The following LINGO2 variants were observed in gnomAD, a reference collection of about 807,000 sequenced individuals.
LINGO2 encodes the protein leucine rich repeat and Ig domain containing 2.
Under a neutral mutation model 30.6 loss-of-function variants are expected in LINGO2, and 14 were observed. The observed-to-expected ratio is 0.46, with a 90% confidence interval of 0.30 to 0.72. The LOEUF (loss-of-function observed/expected upper bound fraction) is 0.72, where lower values mean the gene tolerates loss of function less well. LINGO2 is among the 30% of genes least tolerant of loss of function. The pLI is 0.07. For synonymous variants in LINGO2, 317 were observed against 288.5 expected (o/e 1.10, Z -1.00); for missense variants, 729 against 751.7 (o/e 0.97, Z 0.35).
chr9:28,684,804 A>G, the LINGO2 span, among the ~76,000 whole-genome samples: 3 of 152,048 alleles, frequency 2.0e-5, no homozygotes, highest in African/African-American at 7.2e-5. Flanking sequence ...AAGGCATGAG[A>G]CACTGCACCT....
At chr9:28,338,922 C>A (rs1173978124) in intron 3 of LINGO2, among the ~76,000 whole-genome samples, 1 of 151,942 alleles carries the variant, frequency 6.6e-6, no homozygotes, top group East Asian at 2.0e-4. Flanking sequence ...CACTAACATA[C>A]AAAGCAAAAT....
chr9:28,478,659 C>T (rs943988915), intron 1 of LINGO2, among the ~76,000 whole-genome samples: 4 of 152,042 alleles, frequency 2.6e-5, no homozygotes, highest in Non-Finnish European at 5.9e-5. Flanking sequence ...GTTTTTTAAA[C>T]GTACATTTTC....
chr9:28,763,209 A>G, the LINGO2 span, among the ~76,000 whole-genome samples: 1 of 152,048 alleles, frequency 6.6e-6, no homozygotes, highest in African/African-American at 2.4e-5. Context: ...TCTAAAAGAC[A>G]TATACAGAAG....
the LINGO2 span, among the ~76,000 whole-genome samples, chr9:28,952,511 G>A: frequency 2.0e-5 from 3 of 151,880 alleles, no homozygotes; most frequent in Admixed American, 6.6e-5. Context: ...TTAAATCTAG[G>A]CTTGCCTAGT....
chr9:29,074,065 G>T, the LINGO2 span, among the ~76,000 whole-genome samples: 1 of 151,938 alleles, frequency 6.6e-6, no homozygotes, highest in African/African-American at 2.4e-5. Context: ...ATCATAAAGA[G>T]ACTTTGTGAA....
chr9:28,929,148 T>C, the LINGO2 span, among the ~76,000 whole-genome samples: 1 of 152,214 alleles, frequency 6.6e-6, no homozygotes, highest in African/African-American at 2.4e-5. Context: ...CCTCTGTTTC[T>C]CTCTCACATG....
At chr9:29,157,380 G>C in the LINGO2 span, among the ~76,000 whole-genome samples, 2 of 152,082 alleles carry the variant, frequency 1.3e-5, no homozygotes, top group African/African-American at 4.8e-5. Context: ...AGAATGCCAA[G>C]AACAACTAAA....
intron 1 of LINGO2, among the ~76,000 whole-genome samples, chr9:28,664,404 T>A (rs1352212067): frequency 6.6e-6 from 1 of 152,124 alleles, no homozygotes; most frequent in Non-Finnish European, 1.5e-5. Context: ...GAGAGACCTC[T>A]ACTACTCACT....
At chr9:28,461,945 G>C (rs1277952196) in intron 2 of LINGO2, among the ~76,000 whole-genome samples, 1 of 152,088 alleles carries the variant, frequency 6.6e-6, no homozygotes, top group Non-Finnish European at 1.5e-5. Context: ...AGGGAACATA[G>C]GCTGAAAGAG....
chr9:28,790,471 G>A, the LINGO2 span, among the ~76,000 whole-genome samples: 2 of 151,138 alleles, frequency 1.3e-5, no homozygotes, highest in African/African-American at 4.9e-5. Context: ...TGGGACTACA[G>A]GCGCCCGCCA....
chr9:28,205,388 C>A (rs1820374942), intron 4 of LINGO2, among the ~76,000 whole-genome samples: 1 of 152,142 alleles, frequency 6.6e-6, no homozygotes, highest in East Asian at 1.9e-4. Context: ...ACGTCACATT[C>A]CCAGAGATGC....
At chr9:27,983,714 T>G (rs1419718119) in intron 5 of LINGO2, among the ~76,000 whole-genome samples, 1 of 151,914 alleles carries the variant, frequency 6.6e-6, no homozygotes, top group Non-Finnish European at 1.5e-5. Context: ...AAGGTGAGAA[T>G]AAAACTTCAA....
intron 5 of LINGO2, among the ~76,000 whole-genome samples, chr9:27,953,451 C>T (rs115900505): frequency 0.011 from 1,606 of 152,156 alleles, 24 homozygotes; most frequent in African/African-American, 0.036. Flanking sequence ...TAACCCTTGA[C>T]GGCTAATATG....
chr9:29,055,677 C>T, the LINGO2 span, among the ~76,000 whole-genome samples: 6 of 152,200 alleles, frequency 3.9e-5, no homozygotes, highest in East Asian at 1.2e-3. Context: ...AAGCAGTGTA[C>T]ACTGTAACCA....
chr9:28,848,164 AGT>A, the LINGO2 span, among the ~76,000 whole-genome samples: 5,166 of 85,942 alleles, frequency 0.06, 483 homozygotes, highest in African/African-American at 0.21. Flanking sequence ...ACGCATATAT[AGT>A]GTGTATATAT....
At chr9:28,312,474 A>G (rs1824666601) in intron 3 of LINGO2, among the ~76,000 whole-genome samples, 1 of 152,152 alleles carries the variant, frequency 6.6e-6, no homozygotes, top group South Asian at 2.1e-4. Flanking sequence ...AGTGATTATG[A>G]TTACATTTTA....
chr9:28,785,690 A>G, the LINGO2 span, among the ~76,000 whole-genome samples: 2 of 141,130 alleles, frequency 1.4e-5, no homozygotes, highest in Admixed American at 1.5e-4. Context: ...ACACACGCAC[A>G]CACACACACA....
At chr9:28,033,151 G>A (rs1254075212) in intron 4 of LINGO2, among the ~76,000 whole-genome samples, 2 of 152,188 alleles carry the variant, frequency 1.3e-5, no homozygotes, top group East Asian at 3.9e-4. Context: ...TATGTGAATT[G>A]TGCCTTCCAT....
chr9:27,949,245 T>A (rs780846144), exon 6 of LINGO2: 6 of 1,613,976 alleles, frequency 3.7e-6, no homozygotes, highest in Middle Eastern at 1.6e-4. Context: ...CCCGCTGTCT[T>A]GATCCTGGGC....
Sources: gnomAD v4.1 joint callset for allele counts (sites outside exome capture counted in the v4.1 genomes callset) on GRCh38, gnomAD v4.1.1 for gene constraint, MANE v1.5 for transcripts, NCBI Gene and HGNC (gene_info 2026-07-23, HGNC 2026-07-21) for gene names.